PLCG2: variants seen among roughly 807,000 people sequenced by gnomAD.
The protein encoded by PLCG2 is 1-phosphatidylinositol 4,5-bisphosphate phosphodiesterase gamma-2.
In PLCG2, 69 loss-of-function variants were observed where a neutral mutation model predicts 175.6. The observed-to-expected ratio is 0.39, with a 90% CI of 0.32 to 0.48. The LOEUF (loss-of-function observed/expected upper bound fraction) is 0.48, where lower values mean the gene tolerates loss of function less well. PLCG2 is among the 20% of genes least tolerant of loss of function. The pLI is 0.91. For synonymous variants in PLCG2, 827 were observed against 624.0 expected, an observed-to-expected ratio of 1.33 and a Z score of -4.85; for missense variants, 1,798 against 1,650.9, an observed-to-expected ratio of 1.09 and a Z score of -1.54.
At chr16:81,920,319 C>T (rs1045221515) in intron 20 of PLCG2, among the ~76,000 whole-genome samples, 1 of 152,090 alleles carries the variant, frequency 6.6e-6, no homozygotes, top group Non-Finnish European at 1.5e-5. Flanking sequence ...TTATGGCATC[C>T]CGATCATGTG....
At position 81,962,075 on chromosome 16, in the gene PLCG2, C is replaced by T. The variant is rs189755315; in HGVS notation, c.*4077C>T. On this transcript the variant is annotated 3_prime_UTR_variant, in exon 33 of 33. Transcript: ENST00000564138. ...AAGCTGCGCGCTCCGTCGAAGAGGA[C>T]GACCAACCCCGATAGAGGAGGACCG... The T allele has an allele frequency of 2.6e-4, 49 of 186,262 alleles. No individual in the cohort carries two copies. The highest frequency in any genetic ancestry group is 9.6e-4 in the African/African-American group (41 of 42,746). The allele number at this position is 186,262 out of a possible 1,614,324, so 11.5% of individuals were successfully genotyped here.
chr16:81,823,261 G>A (rs964772954), intron 2 of PLCG2, among the ~76,000 whole-genome samples: 1 of 152,242 alleles, frequency 6.6e-6, no homozygotes, highest in Non-Finnish European at 1.5e-5. Flanking sequence ...GATCTCTGCA[G>A]TCAGGCCTCT....
intron 2 of PLCG2, among the ~76,000 whole-genome samples, chr16:81,851,582 G>A (rs1211521426): frequency 6.6e-6 from 1 of 152,000 alleles, no homozygotes; most frequent in African/African-American, 2.4e-5. Flanking sequence ...GCGTGGTCTC[G>A]GCTCCCTGCA....
chr16:81,945,740 C>A (rs1415094442), intron 30 of PLCG2, among the ~76,000 whole-genome samples: 1 of 152,150 alleles, frequency 6.6e-6, no homozygotes, highest in Admixed American at 6.5e-5. Context: ...GATTTCCTCC[C>A]ATTGGAAATC....
intron 2 of PLCG2, among the ~76,000 whole-genome samples, chr16:81,772,035 G>C (rs1018658021): frequency 1.3e-5 from 2 of 152,080 alleles, no homozygotes; most frequent in South Asian, 2.1e-4. Flanking sequence ...TGCCCACTTC[G>C]GCTTCCCAAA....
At chr16:81,745,937 G>C (rs796484810) in intron 1 of PLCG2, among the ~76,000 whole-genome samples, 72 of 152,344 alleles carry the variant, frequency 4.7e-4, no homozygotes, top group African/African-American at 1.6e-3. Flanking sequence ...TCTCTGTAGG[G>C]GCGAGACTAG....
At position 81,959,869 on chromosome 16, in the gene PLCG2, C is replaced by T. The variant is rs1207596635; in HGVS notation, c.*1871C>T. 5.3e-6 allele frequency: 1 copy of T among 187,570 alleles called. No individual in the cohort carries two copies. Among genetic ancestry groups the T allele is most frequent in the Non-Finnish European group, 1.1e-5 (1 of 89,034 alleles). 11.6% of individuals were successfully genotyped at this position (187,570 alleles called of 1,614,324 possible). A position where few individuals can be genotyped will look rare whatever the true frequency, so the allele number is the denominator to read the frequency against. ...CAGAGCTCAGGTGTTGCTGTCATTA[C>T]CTCCTTTCAGCTCCTCACTTCATTC... is the stretch of plus-strand genomic sequence containing the variant. On this transcript the variant is annotated 3_prime_UTR_variant, in exon 33 of 33. Coordinates refer to ENST00000564138, the MANE Select transcript of PLCG2 (RefSeq NM_002661.5).
chr16:81,773,174 C>G (rs917955543), intron 2 of PLCG2, among the ~76,000 whole-genome samples: 2 of 152,020 alleles, frequency 1.3e-5, no homozygotes, highest in Non-Finnish European at 2.9e-5. Context: ...TGTGGGGGGG[C>G]GTTGGGAAAA....
At position 81,848,500 on chromosome 16, in the gene PLCG2, C is replaced by T. The variant is rs540975207; in HGVS notation, c.194-5944C>T. Among the ~76,000 whole-genome samples, 21 of 152,254 alleles carry T rather than the reference C, an allele frequency of 1.4e-4. 1 individual carries two copies. The South Asian group carries it at 2.1e-3, about 15-fold the overall frequency. Reference sequence around the variant, plus strand: ...CTGTCTCTCTGCCTTTGTACATGTGCGTTTGCATTTCTCTCCCTCCTTGTC... The same window carrying T: ...CTGTCTCTCTGCCTTTGTACATGTGTGTTTGCATTTCTCTCCCTCCTTGTC... On this transcript the variant is annotated intron_variant, in intron 2 of 32. Transcript: ENST00000564138.
At chr16:81,939,613 C>T (rs1910856122) in intron 29 of PLCG2, among the ~76,000 whole-genome samples, 1 of 152,164 alleles carries the variant, frequency 6.6e-6, no homozygotes, top group Admixed American at 6.5e-5. Context: ...CAAACAAACA[C>T]CTCCCCCGTT....
chr16:81,859,046 A>G (rs1906828854), intron 4 of PLCG2, 70 bp from the exon 5 acceptor site: 4 of 905,506 alleles, frequency 4.4e-6, no homozygotes, highest in Non-Finnish European at 7.3e-6. Flanking sequence ...ATTCCGTAGG[A>G]CTCACTTAGA....
At chr16:81,814,000 G>C (rs1341563198) in intron 2 of PLCG2, among the ~76,000 whole-genome samples, 1 of 152,176 alleles carries the variant, frequency 6.6e-6, no homozygotes, top group Non-Finnish European at 1.5e-5. Flanking sequence ...ATGGTATTCA[G>C]GGGCATCTCT....
chr16:81,751,354 T>C (rs1256641573), intron 1 of PLCG2, among the ~76,000 whole-genome samples: 2 of 152,206 alleles, frequency 1.3e-5, no homozygotes, highest in African/African-American at 4.8e-5. Flanking sequence ...AACATTATGC[T>C]AAGTGAAATA....
chr16:81,888,683 A>G (rs989145604), intron 9 of PLCG2, among the ~76,000 whole-genome samples: 1 of 152,174 alleles, frequency 6.6e-6, no homozygotes, highest in Non-Finnish European at 1.5e-5. Context: ...AACTAGGTGG[A>G]ATGAGATGCC....
chr16:81,916,511 G>A (rs1301274425), intron 19 of PLCG2, among the ~76,000 whole-genome samples: 1 of 151,794 alleles, frequency 6.6e-6, no homozygotes, highest in Non-Finnish European at 1.5e-5. Context: ...TGTACAACAT[G>A]GTGTTTTGAA....
At chr16:81,883,376 C>A (rs754832126) in intron 9 of PLCG2, 35 bp downstream of exon 9, 1 of 1,562,586 alleles carries the variant, frequency 6.4e-7, no homozygotes, top group East Asian at 2.2e-5. Context: ...CCTGAGGGAG[C>A]TGGCGGGATG....
intron 2 of PLCG2, among the ~76,000 whole-genome samples, chr16:81,804,076 A>G (rs1911883319): frequency 1.3e-5 from 2 of 152,226 alleles, no homozygotes; most frequent in Non-Finnish European, 2.9e-5. Flanking sequence ...TTTGCCTAAG[A>G]GTGGAATTCT....
chr16:81,793,197 G>C (rs1484245080), intron 2 of PLCG2, among the ~76,000 whole-genome samples: 1 of 152,114 alleles, frequency 6.6e-6, no homozygotes, highest in Non-Finnish European at 1.5e-5. Context: ...GATGGTGCTG[G>C]GATTCCTTCC....
chr16:81,765,491 C>T (rs377100035), intron 2 of PLCG2, among the ~76,000 whole-genome samples: 106 of 152,280 alleles, frequency 7.0e-4, no homozygotes, highest in African/African-American at 2.2e-3. Context: ...ATTAGCTGGG[C>T]GTCATGATGG....
Sources: allele counts gnomAD v4.1 joint callset (sites outside exome capture counted in the v4.1 genomes callset), GRCh38; gene constraint gnomAD v4.1.1; transcripts MANE v1.5; gene names NCBI Gene and HGNC (gene_info 2026-07-23, HGNC 2026-07-21).